Variants in ADGRV1 observed in about 807,000 individuals in gnomAD.
ADGRV1 encodes G-protein coupled receptor 98.
A neutral mutation model predicts 596.2 loss-of-function variants in ADGRV1; 359 were observed. That is an observed-to-expected ratio of 0.60 (90% CI 0.55 to 0.66). The LOEUF (loss-of-function observed/expected upper bound fraction) is 0.66. Ranked by LOEUF, ADGRV1 falls within the 30% of genes least tolerant of loss-of-function variation. The pLI is 0.00. For missense variants in ADGRV1, 7,274 were observed against 7,575.6 expected, an observed-to-expected ratio of 0.96 and a Z score of 1.48; for synonymous variants, 2,681 against 2,679.2, an observed-to-expected ratio of 1.00 and a Z score of -0.02.
intron 28 of ADGRV1, among the ~76,000 whole-genome samples, chr5:90,684,730 G>C (rs1029870815): frequency 1.3e-5 from 2 of 152,016 alleles, no homozygotes; most frequent in African/African-American, 4.8e-5. Context: ...CTTAACCTAA[G>C]GGCTCCACCT....
At chr5:91,039,692 G>A (rs1785181199) in intron 85 of ADGRV1, among the ~76,000 whole-genome samples, 1 of 152,176 alleles carries the variant, frequency 6.6e-6, no homozygotes, top group African/African-American at 2.4e-5. Context: ...TTTCAGTACA[G>A]GCCAGTGTAG....
intron 87 of ADGRV1, among the ~76,000 whole-genome samples, chr5:91,116,349 T>A (rs1792849557): frequency 6.6e-6 from 1 of 152,240 alleles, no homozygotes; most frequent in African/African-American, 2.4e-5. Flanking sequence ...ATTATGTAAT[T>A]TCTCTGAAAT....
intron 86 of ADGRV1, among the ~76,000 whole-genome samples, chr5:91,092,826 T>C (rs1790501745): frequency 6.6e-6 from 1 of 152,160 alleles, no homozygotes; most frequent in Admixed American, 6.5e-5. Context: ...AATTGCAGGG[T>C]ATCTATAGCC....
chr5:90,568,362 T>A (rs1024277598), intron 1 of ADGRV1, among the ~76,000 whole-genome samples: 1 of 152,172 alleles, frequency 6.6e-6, no homozygotes, highest in African/African-American at 2.4e-5. Flanking sequence ...ATGTGCTCTC[T>A]TTTTTGATCC....
chr5:90,595,512 C>T (rs1284738595), intron 1 of ADGRV1, among the ~76,000 whole-genome samples: 65 of 105,218 alleles, frequency 6.2e-4, no homozygotes, highest in African/African-American at 2.0e-3. Context: ...TAGGGGCGGC[C>T]GGGCAGAGGC....
rs138373429 is a variant in ADGRV1 at position 90,601,814 on chromosome 5, T to C, written c.23-13021T>C. On this transcript the variant is annotated intron_variant, in intron 1 of 89. Coordinates refer to ENST00000405460, the MANE Select transcript of ADGRV1 (RefSeq NM_032119.4). ...TCTGGGTAACAGTTTATAGCTTTAA[T>C]GGCTAGAAAGTGGTTTGCAAGTGAT... Among the ~76,000 whole-genome samples the C allele has an allele frequency of 6.6e-3, 1,004 of 152,292 alleles. 8 individuals are homozygous for C. Among genetic ancestry groups the C allele is most frequent in the Middle Eastern group, 0.027 (8 of 294 alleles).
Position 90,685,926 on chromosome 5 carries a change from A to G in ADGRV1, c.6421A>G (p.Thr2141Ala), listed in dbSNP as rs1400121092. ...ENHVGPIINV[T>A]RTGGAFADVS... ...TCATGTTGGACCCATTATCAATGTG[A>G]CTAGAACAGGAGGAGCATTTGCAGA... is the stretch of plus-strand genomic sequence containing the variant. The change falls in exon 29 of 90, where the codon ACT (threonine) becomes GCT (alanine). Residue 2141 changes from threonine (T) to alanine (A), a missense_variant. Physicochemically the swap from Thr to Ala is moderately conservative, Grantham distance 58. Around this residue, in one of 5 missense-constraint regions of ADGRV1, gnomAD observed 3,643 missense variants for 3,809.2 expected, o/e 0.96. Transcript: ENST00000405460. The G allele has an allele frequency of 6.2e-7, 1 of 1,610,344 alleles. No individual in the cohort carries two copies. The highest frequency in any genetic ancestry group is 8.5e-7 in the Non-Finnish European group (1 of 1,177,628).
chr5:90,964,727 CAAA>C (rs60760571), intron 83 of ADGRV1, among the ~76,000 whole-genome samples: 3 of 121,390 alleles, frequency 2.5e-5, no homozygotes, highest in East Asian at 2.4e-4. Flanking sequence ...GACTAATAGC[CAAA>C]AAAAAAAAAA....
Position 90,696,952 on chromosome 5 carries a change from C to T in ADGRV1, c.7961C>T (p.Thr2654Ile), listed in dbSNP as rs1349290358. The T allele has an allele frequency of 6.2e-7, 1 of 1,610,096 alleles. No individual in the cohort carries two copies. The highest frequency in any genetic ancestry group is 8.5e-7 in the Non-Finnish European group (1 of 1,177,496). Residue 2654 changes from threonine (T) to isoleucine (I), a missense_variant, in exon 34 of 90, where the codon ACA becomes ATA. Physicochemically the swap from Thr to Ile is moderately conservative, Grantham distance 89. Transcript: ENST00000405460. ...GTTTTTATAGGTGAAACCAAAAAGA[C>T]AGTCATTTTAACCATCTTGGATGAC... ...LTFAEGETKK[T>I]VILTILDDSE...
chr5:90,652,204 TC>T (rs1181120869), intron 18 of ADGRV1, 141 bp from the exon 19 acceptor site: 9 of 485,732 alleles, frequency 1.9e-5, no homozygotes, highest in Non-Finnish European at 3.2e-5. Flanking sequence ...CCCATGAAAT[TC>T]TTCATAGTTT....
intron 76 of ADGRV1, among the ~76,000 whole-genome samples, chr5:90,823,877 T>A (rs1205105502): frequency 6.6e-6 from 1 of 152,220 alleles, no homozygotes; most frequent in East Asian, 1.9e-4. Context: ...GTATTCTTGG[T>A]ACAATTCTTT....
chr5:90,885,341 A>G (rs1488636973), intron 83 of ADGRV1, among the ~76,000 whole-genome samples: 1 of 152,204 alleles, frequency 6.6e-6, no homozygotes, highest in African/African-American at 2.4e-5. Flanking sequence ...GACTTCTTAA[A>G]GTCTCAGGAC....
intron 10 of ADGRV1, among the ~76,000 whole-genome samples, chr5:90,635,605 T>C (rs1766090176): frequency 9.8e-6 from 1 of 102,262 alleles, no homozygotes; most frequent in African/African-American, 3.8e-5. Context: ...TTTTTTTTTT[T>C]TCTTTGAGAG....
chr5:90,689,927 C>A lies in ADGRV1; in HGVS notation c.6557C>A (p.Pro2186Gln). The A allele has an allele frequency of 6.2e-7, 1 of 1,612,980 alleles. No homozygotes were observed. The highest frequency in any genetic ancestry group is 8.5e-7 in the Non-Finnish European group (1 of 1,179,368). ...GAAGGGGAAACCAGTAAAGCCGTGC[C>A]AATATATGTCATTAATGATATCTAT... ...LLEGETSKAV[P>Q]IYVINDIYPE... is the part of the protein sequence containing the mutation. Residue 2186 changes from proline (P) to glutamine (Q), a missense_variant, in exon 30 of 90, where the codon CCA becomes CAA. By Grantham distance (76) the Pro-to-Gln change is moderately conservative. Transcript: ENST00000405460.
At chr5:91,072,671 A>T (rs1273857938) in intron 86 of ADGRV1, 67 bp downstream of exon 86, 1 of 1,514,074 alleles carries the variant, frequency 6.6e-7, no homozygotes, top group South Asian at 1.2e-5. Context: ...ATGTCACTGA[A>T]TTTTTTTTAT....
At chr5:90,981,231 T>G (rs6868512) in intron 84 of ADGRV1, among the ~76,000 whole-genome samples, 76,073 of 151,862 alleles carry the variant, frequency 0.5, 20,640 homozygotes, top group African/African-American at 0.71. Context: ...AAGTGGGGAG[T>G]GGGCTTCCAG....
rs1748245260 is a variant in ADGRV1 at position 90,703,917 on chromosome 5, C to T, written c.8286+122C>T. On this transcript the variant is annotated intron_variant, in intron 35 of 89. Transcript: ENST00000405460. ...CTTTCTCTCTTCTCCAGACCTACTT[C>T]GTATGAATTCTTTGATGATGTATTT... The T allele has an allele frequency of 1.7e-5, 12 of 692,040 alleles. No individual in the cohort carries two copies. In the South Asian group the frequency reaches 1.9e-4, roughly 11 times the overall value. 42.9% of individuals were successfully genotyped at this position (692,040 alleles called of 1,614,324 possible).
intron 87 of ADGRV1, among the ~76,000 whole-genome samples, chr5:91,129,292 G>A (rs145780722): frequency 1.7e-4 from 26 of 152,246 alleles, no homozygotes; most frequent in Non-Finnish European, 2.8e-4. Context: ...TGATTATCAT[G>A]CAGGCCATGA....
chr5:91,047,263 C>T (rs1364054531), intron 85 of ADGRV1, among the ~76,000 whole-genome samples: 3 of 152,100 alleles, frequency 2.0e-5, no homozygotes, highest in Non-Finnish European at 4.4e-5. Context: ...CATAATTTTT[C>T]TCTTTACATG....
Sources: allele counts gnomAD v4.1 joint callset (sites outside exome capture counted in the v4.1 genomes callset), GRCh38; gene constraint gnomAD v4.1.1; regional missense constraint gnomAD v4.1.1; transcripts MANE v1.5; gene names NCBI Gene and HGNC (gene_info 2026-07-23, HGNC 2026-07-21).